BTC: variants seen among roughly 807,000 people sequenced by gnomAD.
BTC encodes the protein probetacellulin.
A neutral mutation model predicts 18.1 loss-of-function variants in BTC; 13 were observed. That is an observed-to-expected ratio of 0.72 (90% CI 0.47 to 1.14). BTC has a LOEUF of 1.14. Among genes scored for constraint, BTC ranks in the 50% most tolerant of loss-of-function variants. BTC has a pLI of 0.00. For missense variants in BTC, 247 were observed against 224.2 expected, an observed-to-expected ratio of 1.10 and a Z score of -0.65; for synonymous variants, 83 against 79.4, an observed-to-expected ratio of 1.05 and a Z score of -0.24.
chr4:74,750,784 T>C lies in BTC; in HGVS notation c.282-65A>G, dbSNP rs1724439880. 6.4e-6 allele frequency: 10 copies of C among 1,554,458 alleles called. No homozygotes were observed. The South Asian group carries it at 1.1e-4, about 17-fold the overall frequency. ...GACTTTTAAGAATCTCTACTTCTTT[T>C]CTGAAGAAATTAACAGTTCTCATTA... On this transcript the variant is annotated intron_variant, in intron 3 of 5. Coordinates refer to ENST00000395743, the MANE Select transcript of BTC (RefSeq NM_001729.4).
At chr4:74,756,368 A>T (rs56148614) in intron 2 of BTC, among the ~76,000 whole-genome samples, 15,995 of 152,224 alleles carry the variant, frequency 0.11, 1,092 homozygotes, top group Non-Finnish European at 0.15. Flanking sequence ...GTTTAACTTA[A>T]ACATTTACAT....
chr4:74,746,813 T>C (rs530321280), intron 5 of BTC, 138 bp from the exon 6 acceptor site: 28 of 152,360 alleles, frequency 1.8e-4, no homozygotes, highest in African/African-American at 6.0e-4. Context: ...GGAGCACATA[T>C]AATTTCTCGT....
At chr4:74,761,250 C>T (rs1290044946) in intron 2 of BTC, among the ~76,000 whole-genome samples, 1 of 152,116 alleles carries the variant, frequency 6.6e-6, no homozygotes, top group Non-Finnish European at 1.5e-5. Context: ...TTCTCGTTTT[C>T]CAAGAATGCA....
chr4:74,774,130 G>C (rs1047788552), intron 1 of BTC, among the ~76,000 whole-genome samples: 3 of 152,166 alleles, frequency 2.0e-5, no homozygotes, highest in Non-Finnish European at 4.4e-5. Context: ...ATCATAATGT[G>C]TTAATTGTTT....
At chr4:74,769,325 A>T (rs1195906019) in intron 2 of BTC, among the ~76,000 whole-genome samples, 1 of 152,136 alleles carries the variant, frequency 6.6e-6, no homozygotes, top group Non-Finnish European at 1.5e-5. Context: ...ATAACCTTAG[A>T]CCAGGGGTCA....
At chr4:74,770,256 C>G in intron 1 of BTC, 100 bp from the exon 2 acceptor site, 2 of 939,544 alleles carry the variant, frequency 2.1e-6, no homozygotes, top group Non-Finnish European at 3.2e-6. Context: ...ATGAAAATAA[C>G]AAGACTATGG....
At chr4:74,775,079 A>G (rs1725142576) in intron 1 of BTC, among the ~76,000 whole-genome samples, 1 of 152,174 alleles carries the variant, frequency 6.6e-6, no homozygotes, top group Admixed American at 6.5e-5. Context: ...TAAAGAAGGG[A>G]AACAGGTTGA....
At chr4:74,770,915 ATG>A (rs61202126) in intron 1 of BTC, among the ~76,000 whole-genome samples, 1,462 of 141,284 alleles carry the variant, frequency 0.01, 12 homozygotes, top group African/African-American at 0.019. Context: ...TATATCGTGT[ATG>A]TGTGTGTGTG....
At chr4:74,763,537 T>G (rs1456096727) in intron 2 of BTC, among the ~76,000 whole-genome samples, 2 of 152,046 alleles carry the variant, frequency 1.3e-5, no homozygotes, top group Non-Finnish European at 2.9e-5. Flanking sequence ...ACATTTACAT[T>G]TAATATTGTA....
chr4:74,760,339 C>A (rs1724719507), intron 2 of BTC, among the ~76,000 whole-genome samples: 1 of 152,202 alleles, frequency 6.6e-6, no homozygotes, highest in African/African-American at 2.4e-5. Flanking sequence ...ACTATAAATT[C>A]ATCCTCCCAC....
At chr4:74,765,229 T>A (rs1306853277) in intron 2 of BTC, among the ~76,000 whole-genome samples, 2 of 151,272 alleles carry the variant, frequency 1.3e-5, no homozygotes, top group Non-Finnish European at 2.9e-5. Context: ...AGATGCTCAA[T>A]GAAGACAGGA....
Position 74,745,422 on chromosome 4 carries a change from T to G in BTC, c.*1255A>C, listed in dbSNP as rs1021284622. 11 of 152,272 alleles carry G rather than the reference T, an allele frequency of 7.2e-5. No individual in the cohort carries two copies. Among genetic ancestry groups the G allele is most frequent in the Admixed American group, 6.5e-4 (10 of 15,298 alleles). 9.4% of individuals were successfully genotyped at this position (152,272 alleles called of 1,614,324 possible). ...AAGCTGCTTGGCCGACAGGCACAAG[T>G]TGGGGGGCATCTTCCATCGATTTTT... On this transcript the variant is annotated 3_prime_UTR_variant, in exon 6 of 6. Coordinates refer to ENST00000395743, the MANE Select transcript of BTC (RefSeq NM_001729.4).
chr4:74,774,038 G>A (rs1330057998), intron 1 of BTC, among the ~76,000 whole-genome samples: 1 of 152,196 alleles, frequency 6.6e-6, no homozygotes, highest in African/African-American at 2.4e-5. Flanking sequence ...TTTGCCATGA[G>A]TTCTTAATGA....
rs117054567 is a variant in BTC, at chr4:74,787,218, G to A, written c.64+7044C>T. On this transcript the variant is annotated intron_variant, in intron 1 of 5. Coordinates refer to ENST00000395743, the MANE Select transcript of BTC (RefSeq NM_001729.4). Reference sequence around the variant, plus strand: ...AACTAGCTCATCACTTTAAAACAAGGAGGCTGAATATGAATACTGTTAAAC... The same window carrying A: ...AACTAGCTCATCACTTTAAAACAAGAAGGCTGAATATGAATACTGTTAAAC... Among the ~76,000 whole-genome samples, 112 of 152,264 alleles carry A rather than the reference G, an allele frequency of 7.4e-4. No homozygotes were observed. The East Asian group carries it at 0.02, about 28-fold the overall frequency.
At chr4:74,752,449 G>A (rs1398866187) in intron 3 of BTC, among the ~76,000 whole-genome samples, 1 of 150,690 alleles carries the variant, frequency 6.6e-6, no homozygotes, top group Non-Finnish European at 1.5e-5. Context: ...CGCAATTTCG[G>A]TTCACTGCAA....
intron 4 of BTC, 139 bp from the exon 5 acceptor site, chr4:74,748,288 C>T (rs1480395971): frequency 4.1e-6 from 2 of 493,254 alleles, no homozygotes; most frequent in Non-Finnish European, 7.0e-6. Context: ...GTGGCTCACG[C>T]CTGTAATCCC....
chr4:74,775,593 A>G (rs572988101), intron 1 of BTC, among the ~76,000 whole-genome samples: 2 of 152,318 alleles, frequency 1.3e-5, no homozygotes, highest in African/African-American at 4.8e-5. Context: ...CAGTACAGAA[A>G]TTTCAATCTC....
chr4:74,750,608 A>T lies in BTC; in HGVS notation c.393T>A (p.Phe131Leu). ...TGCAGACACCGATGACCAAAATAAT[A>T]AAAACTACCATAACTGCTATCAAAC... ...VICLIAVMVV[F>L]IILVIGVCTC... The change falls in exon 4 of 6, where the codon TTT (phenylalanine) becomes TTA (leucine). Residue 131 changes from phenylalanine (F) to leucine (L), a missense_variant. By Grantham distance (22) the Phe-to-Leu change is conservative. Coordinates refer to ENST00000395743, the MANE Select transcript of BTC (RefSeq NM_001729.4). 1 of 1,613,678 alleles carries T rather than the reference A, an allele frequency of 6.2e-7. No individual in the cohort carries two copies. The highest frequency in any genetic ancestry group is 1.1e-5 in the South Asian group (1 of 90,986).
At chr4:74,763,116 T>C (rs146229319) in intron 2 of BTC, among the ~76,000 whole-genome samples, 428 of 152,268 alleles carry the variant, frequency 2.8e-3, no homozygotes, top group African/African-American at 9.6e-3. Context: ...TAGATAATAT[T>C]TCTCAAATAG....
Sources: gnomAD v4.1 joint callset for allele counts (sites outside exome capture counted in the v4.1 genomes callset) on GRCh38, gnomAD v4.1.1 for gene constraint, MANE v1.5 for transcripts, NCBI Gene and HGNC (gene_info 2026-07-23, HGNC 2026-07-21) for gene names.